NLGN1: variants seen among roughly 807,000 people sequenced by gnomAD.
NLGN1 encodes the protein neuroligin 1, also known as neuroligin-1.
NLGN1 carries 12 observed loss-of-function variants against 65.5 expected under a neutral mutation model. The observed-to-expected ratio is 0.18, with a 90% CI of 0.12 to 0.30. The LOEUF is 0.30. Ranked by LOEUF, NLGN1 falls within the 10% of genes least tolerant of loss-of-function variation. NLGN1 has a pLI of 1.00. For missense variants in NLGN1, 750 were observed against 1,007.1 expected, an observed-to-expected ratio of 0.74 and a Z score of 3.46; for synonymous variants, 350 against 359.5, an observed-to-expected ratio of 0.97 and a Z score of 0.30.
chr3:173,427,926 A>C (rs905668115), intron 1 of NLGN1, among the ~76,000 whole-genome samples: 5 of 149,170 alleles, frequency 3.4e-5, no homozygotes, highest in Non-Finnish European at 5.9e-5. Flanking sequence ...TCCTATTATT[A>C]CTGTGTTACA....
chr3:173,692,719 A>ATT (rs1765651601), intron 3 of NLGN1, among the ~76,000 whole-genome samples: 2 of 152,088 alleles, frequency 1.3e-5, no homozygotes, highest in Admixed American at 6.6e-5. Context: ...AATATGAACT[A>ATT]AAATGATAAT....
chr3:174,099,170 C>G (rs547520793), intron 4 of NLGN1, among the ~76,000 whole-genome samples: 1 of 152,224 alleles, frequency 6.6e-6, no homozygotes, highest in Middle Eastern at 3.4e-3. Flanking sequence ...ACGTTTTAGT[C>G]CCAGCTATGC....
At chr3:173,493,840 T>G (rs115494300) in intron 2 of NLGN1, among the ~76,000 whole-genome samples, 8,146 of 150,404 alleles carry the variant, frequency 0.054, 269 homozygotes, top group South Asian at 0.099. Context: ...TATATATATA[T>G]AGAGAGAGAG....
chr3:173,932,620 A>C (rs1485913706), intron 4 of NLGN1, among the ~76,000 whole-genome samples: 11 of 152,172 alleles, frequency 7.2e-5, no homozygotes, highest in Non-Finnish European at 1.5e-4. Context: ...TAGTAACAGC[A>C]CCTACAGTGA....
chr3:174,108,957 T>C (rs1270390175), intron 4 of NLGN1, among the ~76,000 whole-genome samples: 2 of 152,016 alleles, frequency 1.3e-5, no homozygotes, highest in Admixed American at 1.3e-4. Context: ...ATATAGTACA[T>C]ACACACACAT....
At chr3:174,053,933 A>G (rs1450900005) in intron 4 of NLGN1, among the ~76,000 whole-genome samples, 2 of 151,986 alleles carry the variant, frequency 1.3e-5, no homozygotes, top group Non-Finnish European at 2.9e-5. Context: ...GAAATTTTCA[A>G]TATAAGGAAT....
intron 4 of NLGN1, among the ~76,000 whole-genome samples, chr3:174,124,649 ATACT>A (rs1190146396): frequency 1.4e-5 from 2 of 147,938 alleles, no homozygotes; most frequent in African/African-American, 2.5e-5. Context: ...ATATAAGTAC[ATACT>A]TATATATATG....
intron 4 of NLGN1, among the ~76,000 whole-genome samples, chr3:173,926,049 ATAATC>A (rs1434121606): frequency 2.0e-5 from 3 of 151,970 alleles, no homozygotes; most frequent in South Asian, 2.1e-4. Flanking sequence ...AGATCTTACT[ATAATC>A]TAATTCTATT....
chr3:174,091,704 G>A (rs1744557939), intron 4 of NLGN1, among the ~76,000 whole-genome samples: 1 of 151,986 alleles, frequency 6.6e-6, no homozygotes. Flanking sequence ...TAAAGTTTAG[G>A]GTATTTTATT....
intron 4 of NLGN1, among the ~76,000 whole-genome samples, chr3:173,898,573 C>T (rs1398434147): frequency 6.6e-6 from 1 of 152,184 alleles, no homozygotes; most frequent in Non-Finnish European, 1.5e-5. Context: ...AACATACACA[C>T]AACTTCTATA....
intron 2 of NLGN1, among the ~76,000 whole-genome samples, chr3:173,495,691 A>AC (rs1553867067): frequency 6.6e-6 from 1 of 150,570 alleles, no homozygotes; most frequent in Non-Finnish European, 1.5e-5. Context: ...AAAAAAAAAA[A>AC]AAAAAACTCT....
At chr3:173,951,355 G>T (rs530618723) in intron 4 of NLGN1, among the ~76,000 whole-genome samples, 1 of 151,954 alleles carries the variant, frequency 6.6e-6, no homozygotes, top group Non-Finnish European at 1.5e-5. Context: ...AACCTTTTTA[G>T]CAATTTTGAT....
chr3:173,799,072 A>G (rs937879472), intron 3 of NLGN1, among the ~76,000 whole-genome samples: 2 of 151,974 alleles, frequency 1.3e-5, no homozygotes, highest in Non-Finnish European at 2.9e-5. Flanking sequence ...CTGCTTCTTT[A>G]CTATTTATAT....
At chr3:173,778,357 G>A (rs539991702) in intron 3 of NLGN1, among the ~76,000 whole-genome samples, 30 of 151,600 alleles carry the variant, frequency 2.0e-4, no homozygotes, top group African/African-American at 6.8e-4. Flanking sequence ...CTAGAGTCTC[G>A]AATAATTTAC....
At chr3:174,014,281 CT>C (rs946217046) in intron 4 of NLGN1, among the ~76,000 whole-genome samples, 2 of 152,220 alleles carry the variant, frequency 1.3e-5, no homozygotes, top group East Asian at 1.9e-4. Context: ...TGATTTAGCC[CT>C]TTTTTTCTTA....
intron 4 of NLGN1, among the ~76,000 whole-genome samples, chr3:174,051,238 G>T (rs962553738): frequency 6.6e-6 from 1 of 151,918 alleles, no homozygotes; most frequent in Non-Finnish European, 1.5e-5. Context: ...CAATTCCAGG[G>T]TGCCACCCAC....
At chr3:174,107,738 A>G (rs1178339753) in intron 4 of NLGN1, among the ~76,000 whole-genome samples, 2 of 152,064 alleles carry the variant, frequency 1.3e-5, no homozygotes, top group East Asian at 1.9e-4. Context: ...AGGCTGTACC[A>G]TTTTACATTT....
intron 2 of NLGN1, among the ~76,000 whole-genome samples, chr3:173,542,295 T>A (rs1179980338): frequency 2.0e-5 from 3 of 152,028 alleles, no homozygotes; most frequent in African/African-American, 7.2e-5. Context: ...AGATCTTCTC[T>A]AAATATACAA....
chr3:173,985,317 T>C (rs773278627), intron 4 of NLGN1, among the ~76,000 whole-genome samples: 5 of 152,122 alleles, frequency 3.3e-5, no homozygotes, highest in Non-Finnish European at 7.4e-5. Flanking sequence ...CTGTGTGAGA[T>C]CAACCCCTTT....
Sources: allele counts gnomAD v4.1 joint callset (sites outside exome capture counted in the v4.1 genomes callset), GRCh38; gene constraint gnomAD v4.1.1; transcripts MANE v1.5; gene names NCBI Gene and HGNC (gene_info 2026-07-23, HGNC 2026-07-21).